Variants in TMX1 observed in about 807,000 individuals in gnomAD.
TMX1 encodes the protein thioredoxin-related transmembrane protein 1.
Under a neutral mutation model 36.6 loss-of-function variants are expected in TMX1, and 25 were observed. The observed-to-expected ratio is 0.68, with a 90% confidence interval of 0.50 to 0.95. The LOEUF is 0.95. TMX1 is among the 40% of genes least tolerant of loss of function. The probability of loss-of-function intolerance (pLI) is 0.00; values close to 1 mark genes in which losing one functional copy is unlikely to be tolerated. For synonymous variants in TMX1, 133 were observed against 118.0 expected, an observed-to-expected ratio of 1.13 and a Z score of -0.82; for missense variants, 347 against 339.6, an observed-to-expected ratio of 1.02 and a Z score of -0.17.
At position 51,254,452 on chromosome 14, in the gene TMX1, A is replaced by G. The variant is rs1375788490; in HGVS notation, c.776A>G (p.Lys259Arg). ...GCTGAAAGTAAAGAAGGAACAAACA[A>G]AGACTTTCCACAGAATGCCATAAGA... ...EEAESKEGTNKDFPQNAIRQR... is the reference protein window; with the variant it reads ...EEAESKEGTNRDFPQNAIRQR... Residue 259 changes from lysine (K) to arginine (R), a missense_variant, in exon 8 of 8, where the codon AAA (lysine) becomes AGA (arginine). Physicochemically the swap from Lys to Arg is conservative, Grantham distance 26 (BLOSUM62 2). Transcript: ENST00000457354. 1 of 1,612,252 alleles carries G rather than the reference A, an allele frequency of 6.2e-7. No homozygotes were observed. The highest frequency in any genetic ancestry group is 8.5e-7 in the Non-Finnish European group (1 of 1,179,332).
chr14:51,244,864 A>G (rs182465691), intron 2 of TMX1, among the ~76,000 whole-genome samples: 123 of 152,198 alleles, frequency 8.1e-4, no homozygotes, highest in Admixed American at 7.2e-4. Context: ...GTTAGCTGCT[A>G]TTATTTTTGC....
chr14:51,249,631 T>C lies in TMX1; in HGVS notation c.591+62T>C, dbSNP rs934070573. The C allele has an allele frequency of 1.1e-5, 17 of 1,594,324 alleles. No homozygotes were observed. The Admixed American group carries it at 1.2e-4, about 11-fold the overall frequency. On this transcript the variant is annotated intron_variant, in intron 6 of 7. Transcript: ENST00000457354. ...TATTTAAAAATGTGATTATTTAAAA[T>C]AGTTACATTAGCTGTGGCATATATT...
chr14:51,249,309 A>G lies in TMX1; in HGVS notation c.444-17A>G. ...GTGTATGTTACTCAGTTTTTTAATC[A>G]TCTCTTTTATTTTTAGGATGAGTAG... On this transcript the variant is annotated splice_polypyrimidine_tract_variant and intron_variant, in intron 4 of 7. Coordinates refer to ENST00000457354, the MANE Select transcript of TMX1 (RefSeq NM_030755.5). 1 of 1,591,566 alleles carries G rather than the reference A, an allele frequency of 6.3e-7. No individual in the cohort carries two copies. The highest frequency in any genetic ancestry group is 8.5e-7 in the Non-Finnish European group (1 of 1,171,532).
chr14:51,251,291 A>G (rs897565285), intron 7 of TMX1, among the ~76,000 whole-genome samples: 2 of 152,204 alleles, frequency 1.3e-5, no homozygotes, highest in African/African-American at 4.8e-5. Flanking sequence ...TACTTTTGTG[A>G]TGCTGGGCAG....
At chr14:51,240,873 C>A (rs2065757686) in intron 1 of TMX1, among the ~76,000 whole-genome samples, 1 of 152,004 alleles carries the variant, frequency 6.6e-6, no homozygotes, top group Non-Finnish European at 1.5e-5. Context: ...TTTCTCCTCT[C>A]GTTTTGTCTG....
chr14:51,245,888 A>G (rs2065783233), intron 3 of TMX1: 1 of 185,038 alleles, frequency 5.4e-6, no homozygotes, highest in African/African-American at 2.4e-5. Context: ...TGGGTAATAA[A>G]ACAGAATGAG....
At chr14:51,245,538 G>A in intron 3 of TMX1, 180 bp downstream of exon 3, 1 of 1,412,282 alleles carries the variant, frequency 7.1e-7, no homozygotes, top group Non-Finnish European at 9.6e-7. Context: ...GTTGAGTGAT[G>A]TGTGAAACAG....
chr14:51,252,396 C>G (rs1474050266), intron 7 of TMX1, among the ~76,000 whole-genome samples: 2 of 151,460 alleles, frequency 1.3e-5, no homozygotes, highest in Non-Finnish European at 2.9e-5. Flanking sequence ...CCAGAGAGAT[C>G]TGATTGGGCA....
At chr14:51,253,748 A>C (rs1334588677) in intron 7 of TMX1, among the ~76,000 whole-genome samples, 1 of 152,218 alleles carries the variant, frequency 6.6e-6, no homozygotes, top group Non-Finnish European at 1.5e-5. Context: ...AAAATCATAC[A>C]TATGGGGGAT....
At chr14:51,251,695 T>C (rs2065814525) in intron 7 of TMX1, among the ~76,000 whole-genome samples, 1 of 152,184 alleles carries the variant, frequency 6.6e-6, no homozygotes, top group African/African-American at 2.4e-5. Flanking sequence ...GTCTGAGTCA[T>C]CTTACCACTT....
intron 2 of TMX1, among the ~76,000 whole-genome samples, chr14:51,244,905 A>AT (rs1203319404): frequency 6.6e-6 from 1 of 152,098 alleles, no homozygotes; most frequent in East Asian, 1.9e-4. Context: ...AGTATTTTCC[A>AT]TTTTTAGCAG....
intron 4 of TMX1, among the ~76,000 whole-genome samples, chr14:51,248,653 A>G (rs1270707378): frequency 1.3e-5 from 2 of 152,242 alleles, no homozygotes; most frequent in Non-Finnish European, 2.9e-5. Flanking sequence ...CTTCCAGTAG[A>G]AGAAAGTAGT....
Position 51,247,192 on chromosome 14 carries a change from T to A in TMX1, c.415T>A (p.Ser139Thr). ...AGAGTGGAAGAGTATTGAGCCCGTT[T>A]CATCATGGTTTGGTCCAGGTTCTGT... The part of the protein sequence containing the change: ...DKEWKSIEPV[S>T]SWFGPGSVLM... The change falls in exon 4 of 8, where the codon TCA (serine) becomes ACA (threonine). Residue 139 changes from serine (S) to threonine (T), a missense_variant. By Grantham distance (58) the Ser-to-Thr change is moderately conservative (BLOSUM62 1). Transcript: ENST00000457354. The A allele has an allele frequency of 6.2e-7, 1 of 1,613,674 alleles. No homozygotes were observed. The highest frequency in any genetic ancestry group is 8.5e-7 in the Non-Finnish European group (1 of 1,179,808).
Position 51,254,666 on chromosome 14 carries a change from C to A in TMX1, c.*147C>A. The A allele has an allele frequency of 1.6e-6, 1 of 633,568 alleles. No homozygotes were observed. Among genetic ancestry groups the A allele is most frequent in the Non-Finnish European group, 2.6e-6 (1 of 388,134 alleles). 39.2% of individuals were successfully genotyped at this position (633,568 alleles called of 1,614,324 possible). A position where few individuals can be genotyped will look rare whatever the true frequency, so the allele number is the denominator to read the frequency against. ...TAAATTGAAGAGTCTACATTCAGAA[C>A]ATAAAAGCACTAGGTATACAAGTTT... On this transcript the variant is annotated 3_prime_UTR_variant, in exon 8 of 8. Transcript: ENST00000457354.
chr14:51,245,410 C>G, intron 3 of TMX1, 52 bp downstream of exon 3: 1 of 1,606,988 alleles, frequency 6.2e-7, no homozygotes, highest in East Asian at 2.2e-5. Context: ...ATAGTGTAAT[C>G]AGAAGTAGTA....
intron 4 of TMX1, 66 bp from the exon 5 acceptor site, chr14:51,249,260 A>C: frequency 7.4e-7 from 1 of 1,347,498 alleles, no homozygotes; most frequent in Non-Finnish European, 1.0e-6. Context: ...TATAGAGTAG[A>C]AAATAGTATG....
In TMX1 at chr14:51,254,490, G is replaced by T; in HGVS notation, c.814G>T (p.Gly272Cys). The change falls in exon 8 of 8, where the codon GGT (glycine) becomes TGT (cysteine). Residue 272 changes from glycine (G) to cysteine (C), a missense_variant. Physicochemically the swap from Gly to Cys is radical, Grantham distance 159. Transcript: ENST00000457354. The part of the protein sequence containing the change: ...PQNAIRQRSL[G>C]PSLATDKS ...GAATGCCATAAGACAACGCTCTCTG[G>T]GTCCATCATTGGCCACAGATAAATC... 1 of 1,601,748 alleles carries T rather than the reference G, an allele frequency of 6.2e-7. No individual in the cohort carries two copies. The highest frequency in any genetic ancestry group is 1.1e-5 in the South Asian group (1 of 87,670).
At chr14:51,245,577 T>C in intron 3 of TMX1, 1 of 1,203,310 alleles carries the variant, frequency 8.3e-7, no homozygotes, top group Non-Finnish European at 1.1e-6. Flanking sequence ...TACAGTTGTT[T>C]TGGAAAGTGA....
At position 51,249,375 on chromosome 14, in the gene TMX1, T is replaced by C; in HGVS notation, c.489+4T>C. ...TCAGCTATCTATGTGGATCAGGGTA[T>C]GGACTAAAATATTTTTATCTTAAAC... is the stretch of plus-strand genomic sequence containing the variant. On this transcript the variant is annotated splice_donor_region_variant and intron_variant, in intron 5 of 7. Coordinates refer to ENST00000457354, the MANE Select transcript of TMX1 (RefSeq NM_030755.5). 6.2e-7 allele frequency: 1 copy of C among 1,604,694 alleles called. No homozygotes were observed. The highest frequency in any genetic ancestry group is 8.5e-7 in the Non-Finnish European group (1 of 1,176,974).
Sources: gnomAD v4.1 joint callset for allele counts (sites outside exome capture counted in the v4.1 genomes callset) on GRCh38, gnomAD v4.1.1 for gene constraint, MANE v1.5 for transcripts, NCBI Gene and HGNC (gene_info 2026-07-23, HGNC 2026-07-21) for gene names.